The following RBMS3 variants were observed in gnomAD, a reference collection of about 807,000 sequenced individuals.
The protein encoded by RBMS3 is RNA binding motif single stranded interacting protein 3.
Under a neutral mutation model 66.8 loss-of-function variants are expected in RBMS3, and 27 were observed. The ratio of observed to expected loss-of-function variants is 0.40; its 90% confidence interval spans 0.30 to 0.56. The LOEUF is 0.56. Ranked by LOEUF, RBMS3 falls within the 20% of genes least tolerant of loss-of-function variation. RBMS3 has a pLI of 0.40. For missense variants in RBMS3, 513 were observed against 549.5 expected, an observed-to-expected ratio of 0.93 and a Z score of 0.66; for synonymous variants, 188 against 183.0, an observed-to-expected ratio of 1.03 and a Z score of -0.22.
At chr3:29,356,950 T>C (rs1440332255) in intron 1 of RBMS3, among the ~76,000 whole-genome samples, 1 of 152,166 alleles carries the variant, frequency 6.6e-6, no homozygotes, top group Admixed American at 6.6e-5. Flanking sequence ...GAGTGCAGCT[T>C]TACAACATAT....
At chr3:29,895,414 G>A (rs755172702) in intron 8 of RBMS3, among the ~76,000 whole-genome samples, 9 of 151,180 alleles carry the variant, frequency 6.0e-5, no homozygotes, top group South Asian at 2.1e-4. Context: ...AAATTCCCTC[G>A]TGCTCATTTG....
intron 1 of RBMS3, among the ~76,000 whole-genome samples, chr3:29,292,574 AT>A (rs141446131): frequency 1.0e-3 from 156 of 151,918 alleles, no homozygotes; most frequent in African/African-American, 3.6e-3. Flanking sequence ...ATTAATTCTA[AT>A]TCATCCCAAA....
At chr3:29,649,007 C>G (rs982719453) in intron 4 of RBMS3, among the ~76,000 whole-genome samples, 1 of 152,156 alleles carries the variant, frequency 6.6e-6, no homozygotes, top group Non-Finnish European at 1.5e-5. Flanking sequence ...GCCTTTTGGC[C>G]TAACTAACAT....
At chr3:29,738,314 G>A (rs2054470663) in intron 4 of RBMS3, among the ~76,000 whole-genome samples, 1 of 151,972 alleles carries the variant, frequency 6.6e-6, no homozygotes, top group African/African-American at 2.4e-5. Context: ...CTAATTTAAT[G>A]TCTGGCTTAT....
At chr3:29,366,155 T>G (rs2037890423) in intron 1 of RBMS3, among the ~76,000 whole-genome samples, 1 of 152,144 alleles carries the variant, frequency 6.6e-6, no homozygotes. Flanking sequence ...GTAACTAAAG[T>G]CAGGTTTATT....
intron 12 of RBMS3, among the ~76,000 whole-genome samples, chr3:29,979,315 C>A (rs1437850196): frequency 5.9e-5 from 9 of 152,110 alleles, no homozygotes; most frequent in African/African-American, 2.2e-4. Flanking sequence ...ACAGGCAGTT[C>A]AGTTTTGGTC....
At chr3:29,542,176 A>T (rs2045788566) in intron 3 of RBMS3, among the ~76,000 whole-genome samples, 1 of 152,176 alleles carries the variant, frequency 6.6e-6, no homozygotes, top group Non-Finnish European at 1.5e-5. Context: ...TTGTTGAGAG[A>T]ACAGTGAACA....
chr3:29,678,752 C>T (rs1323041601), intron 4 of RBMS3, among the ~76,000 whole-genome samples: 7 of 151,998 alleles, frequency 4.6e-5, no homozygotes, highest in East Asian at 3.9e-4. Context: ...GAGAAGGCTA[C>T]GGGATACTGG....
intron 1 of RBMS3, among the ~76,000 whole-genome samples, chr3:29,408,024 G>A (rs1180113082): frequency 6.6e-6 from 1 of 152,062 alleles, no homozygotes; most frequent in Non-Finnish European, 1.5e-5. Context: ...TGTAATCCCA[G>A]CACTTTGGGA....
chr3:29,585,648 G>C (rs1235857397), intron 3 of RBMS3, among the ~76,000 whole-genome samples: 1 of 152,032 alleles, frequency 6.6e-6, no homozygotes, highest in East Asian at 1.9e-4. Context: ...CCAGATTATA[G>C]TTTTGCTTTC....
intron 1 of RBMS3, among the ~76,000 whole-genome samples, chr3:29,388,187 T>G (rs933254927): frequency 6.6e-6 from 1 of 151,748 alleles, no homozygotes; most frequent in Non-Finnish European, 1.5e-5. Context: ...GCTTTTCATA[T>G]ACCTTTACCT....
chr3:29,587,496 A>G (rs1181367124), intron 4 of RBMS3, among the ~76,000 whole-genome samples: 1 of 151,616 alleles, frequency 6.6e-6, no homozygotes, highest in Non-Finnish European at 1.5e-5. Flanking sequence ...TTGTTATGGT[A>G]ACCTCATTAG....
chr3:29,988,520 T>A (rs1698591504), intron 13 of RBMS3, among the ~76,000 whole-genome samples: 1 of 152,268 alleles, frequency 6.6e-6, no homozygotes, highest in African/African-American at 2.4e-5. Flanking sequence ...ATACTTCTTA[T>A]AAAAGGAAAA....
At chr3:29,796,747 C>G (rs2057209033) in intron 6 of RBMS3, among the ~76,000 whole-genome samples, 1 of 119,748 alleles carries the variant, frequency 8.4e-6, no homozygotes, top group Non-Finnish European at 1.6e-5. Flanking sequence ...GAGTCTTGCT[C>G]TGTCACCCAG....
At chr3:29,932,199 T>C (rs928607712) in intron 10 of RBMS3, among the ~76,000 whole-genome samples, 6 of 152,196 alleles carry the variant, frequency 3.9e-5, no homozygotes, top group African/African-American at 1.2e-4. Context: ...ATTCAGATAA[T>C]ATTTCTAGGT....
intron 6 of RBMS3, among the ~76,000 whole-genome samples, chr3:29,781,820 T>A (rs9310912): frequency 2.0e-5 from 3 of 151,404 alleles, no homozygotes; most frequent in Admixed American, 2.0e-4. Flanking sequence ...TGGCCTTTAG[T>A]ACCGTGGGCT....
At chr3:29,331,689 A>G (rs892825137) in intron 1 of RBMS3, among the ~76,000 whole-genome samples, 3 of 151,996 alleles carry the variant, frequency 2.0e-5, no homozygotes, top group Admixed American at 6.6e-5. Context: ...TTTTTCTCTC[A>G]TGGTACACAC....
At chr3:29,698,135 C>G in intron 4 of RBMS3, 3 of 883,270 alleles carry the variant, frequency 3.4e-6, no homozygotes, top group Non-Finnish European at 4.1e-6. Context: ...TGTGGCTGTG[C>G]CTACATTCCA....
intron 3 of RBMS3, among the ~76,000 whole-genome samples, chr3:29,554,396 G>A (rs550655922): frequency 6.6e-6 from 1 of 152,282 alleles, no homozygotes; most frequent in Non-Finnish European, 1.5e-5. Flanking sequence ...GATTCACTAA[G>A]CAGTAACAGT....
Sources: gnomAD v4.1 joint callset for allele counts (sites outside exome capture counted in the v4.1 genomes callset) on GRCh38, gnomAD v4.1.1 for gene constraint, MANE v1.5 for transcripts, NCBI Gene and HGNC (gene_info 2026-07-23, HGNC 2026-07-21) for gene names.